The following CRISPLD2 variants were observed in gnomAD, a reference collection of about 807,000 sequenced individuals.
The protein encoded by CRISPLD2 is cysteine-rich secretory protein LCCL domain-containing 2.
In CRISPLD2, 47 loss-of-function variants were observed where a neutral mutation model predicts 71.1. The observed-to-expected ratio is 0.66, with a 90% CI of 0.52 to 0.84. The LOEUF (loss-of-function observed/expected upper bound fraction) is 0.84, where lower values mean the gene tolerates loss of function less well. Among genes scored for constraint, CRISPLD2 ranks in the 40% least tolerant of loss-of-function variants. The probability of loss-of-function intolerance (pLI) is 0.00; values close to 1 mark genes in which losing one functional copy is unlikely to be tolerated. For synonymous variants in CRISPLD2, 317 were observed against 250.1 expected (o/e 1.27, Z -2.52); for missense variants, 830 against 651.1 (o/e 1.27, Z -2.99).
At chr16:84,864,513 C>T (rs1174819810) in intron 6 of CRISPLD2, among the ~76,000 whole-genome samples, 1 of 152,222 alleles carries the variant, frequency 6.6e-6, no homozygotes, top group Non-Finnish European at 1.5e-5. Flanking sequence ...ACGGGAAGAA[C>T]AGACACGCGC....
At chr16:84,863,057 A>C (rs186248690) in intron 6 of CRISPLD2, 4 of 152,246 alleles carry the variant, frequency 2.6e-5, no homozygotes, top group African/African-American at 9.7e-5. Context: ...CTTCACAGCC[A>C]GACAGTGCAC....
chr16:84,906,488 G>A (rs2071803421), intron 14 of CRISPLD2, 100 bp from the exon 15 acceptor site: 1 of 1,234,386 alleles, frequency 8.1e-7, no homozygotes, highest in Non-Finnish European at 1.2e-6. Flanking sequence ...TCCACTACGG[G>A]AGCAAGCAGG....
intron 13 of CRISPLD2, among the ~76,000 whole-genome samples, chr16:84,886,176 C>T (rs2071611440): frequency 6.6e-6 from 1 of 152,096 alleles, no homozygotes; most frequent in Non-Finnish European, 1.5e-5. Flanking sequence ...AGGTGTAAGC[C>T]ACCGCGCCGG....
intron 6 of CRISPLD2, among the ~76,000 whole-genome samples, chr16:84,860,653 A>G (rs2101751): frequency 6.6e-6 from 1 of 152,184 alleles, no homozygotes; most frequent in Admixed American, 6.5e-5. Context: ...TCTTCTGGCA[A>G]AAAAGGTTTA....
chr16:84,903,797 C>T (rs971314472), intron 14 of CRISPLD2, among the ~76,000 whole-genome samples: 1 of 152,234 alleles, frequency 6.6e-6, no homozygotes, highest in South Asian at 2.1e-4. Flanking sequence ...AGAAATACAC[C>T]ACAGAGTCAT....
Position 84,889,363 on chromosome 16 carries a change from G to A in CRISPLD2, c.1439G>A (p.Ser480Asn). The change falls in exon 14 of 15, where the codon AGC (serine) becomes AAC (asparagine). Residue 480 changes from serine (S) to asparagine (N), a missense_variant and splice_region_variant. Transcript: ENST00000262424. ...GSLRNGVQSE[S>N]LGTPRDGKAF... ...CTCAGGAATGGAGTTCAGTCTGAAAGGTAGGGTGGTGTTCTCCAACCCTTG... is the reference window on the plus strand; with the variant it reads ...CTCAGGAATGGAGTTCAGTCTGAAAAGTAGGGTGGTGTTCTCCAACCCTTG... 6.2e-7 allele frequency: 1 copy of A among 1,609,518 alleles called. No individual in the cohort carries two copies. Among genetic ancestry groups the A allele is most frequent in the Non-Finnish European group, 8.5e-7 (1 of 1,176,944 alleles).
chr16:84,900,323 C>T (rs938054020), intron 14 of CRISPLD2, among the ~76,000 whole-genome samples: 5 of 152,070 alleles, frequency 3.3e-5, no homozygotes, highest in Non-Finnish European at 4.4e-5. Context: ...CTGAGAGGGC[C>T]GGGGTCTCCT....
chr16:84,903,126 G>A (rs755129271), intron 14 of CRISPLD2, among the ~76,000 whole-genome samples: 7 of 152,040 alleles, frequency 4.6e-5, no homozygotes, highest in Admixed American at 2.0e-4. Flanking sequence ...GGGTGACTCC[G>A]ATCTGATTTG....
intron 2 of CRISPLD2, among the ~76,000 whole-genome samples, chr16:84,840,898 C>G (rs973548764): frequency 6.6e-6 from 1 of 152,158 alleles, no homozygotes; most frequent in Non-Finnish European, 1.5e-5. Flanking sequence ...CTTCCACATA[C>G]CTGATATTTA....
chr16:84,890,771 G>T (rs771586350), intron 14 of CRISPLD2, among the ~76,000 whole-genome samples: 14 of 151,952 alleles, frequency 9.2e-5, no homozygotes, highest in Non-Finnish European at 1.9e-4. Flanking sequence ...CTCCAGCCTG[G>T]GCAACAAGAG....
In CRISPLD2 at chr16:84,859,608, C is replaced by T. The variant is rs573904614; in HGVS notation, c.709+4779C>T. Reference sequence around the variant, plus strand: ...GGAAATTGATGGAGGGACCGTGATTCTCTGTTTTTATAATTCAAATTAGTC... The same window carrying T: ...GGAAATTGATGGAGGGACCGTGATTTTCTGTTTTTATAATTCAAATTAGTC... On this transcript the variant is annotated intron_variant, in intron 6 of 14. Transcript: ENST00000262424. 3.4e-4 allele frequency among the ~76,000 whole-genome samples: 52 copies of T among 152,300 alleles called. 1 individual carries two copies. The South Asian group carries it at 0.011, about 31-fold the overall frequency.
At chr16:84,888,996 T>C (rs146580045) in intron 13 of CRISPLD2, among the ~76,000 whole-genome samples, 2,476 of 152,370 alleles carry the variant, frequency 0.016, 24 homozygotes, top group South Asian at 0.039. Flanking sequence ...ATTCCGTGCC[T>C]GGCATATAAT....
At chr16:84,881,803 G>T (rs1277264878) in intron 13 of CRISPLD2, among the ~76,000 whole-genome samples, 1 of 151,940 alleles carries the variant, frequency 6.6e-6, no homozygotes, top group East Asian at 1.9e-4. Flanking sequence ...TCAGCTGCTT[G>T]TCATCATCCC....
At chr16:84,850,523 G>A in intron 4 of CRISPLD2, 45 bp from the exon 5 acceptor site, 1 of 1,535,690 alleles carries the variant, frequency 6.5e-7, no homozygotes, top group Non-Finnish European at 9.0e-7. Flanking sequence ...TCACCCTTTT[G>A]TGCCTTATCC....
At chr16:84,903,718 G>A (rs1228086069) in intron 14 of CRISPLD2, among the ~76,000 whole-genome samples, 3 of 152,136 alleles carry the variant, frequency 2.0e-5, no homozygotes, top group African/African-American at 7.2e-5. Context: ...TTTGCAGAAT[G>A]CCAAAGCAGG....
At chr16:84,822,926 G>T (rs9939197) in intron 1 of CRISPLD2, among the ~76,000 whole-genome samples, 1 of 151,836 alleles carries the variant, frequency 6.6e-6, no homozygotes, top group Non-Finnish European at 1.5e-5. Flanking sequence ...ATTCAGTGGC[G>T]TTTAGTACAT....
chr16:84,847,785 G>C (rs1051499954), intron 3 of CRISPLD2, among the ~76,000 whole-genome samples: 6 of 152,298 alleles, frequency 3.9e-5, no homozygotes, highest in South Asian at 4.1e-4. Flanking sequence ...CGCCGACGTA[G>C]TTTTACAGCA....
Position 84,838,613 on chromosome 16 carries a change from CACA to C in CRISPLD2, c.121_123del (p.Asn41del), listed in dbSNP as rs1459350337. The C allele has an allele frequency of 3.1e-6, 5 of 1,614,254 alleles. No homozygotes were observed. The highest frequency in any genetic ancestry group is 1.3e-5 in the African/African-American group (1 of 75,066). On this transcript the variant is annotated inframe_deletion, in exon 2 of 15. Transcript: ENST00000262424. ...AGAGGAGCTGCTCAGCAAATACCAG[CACA>C]ACGAGTCTCACTCCCGGGTCCGCAG...
rs952586335 is a variant in CRISPLD2, at chr16:84,909,393, A to C, written c.*2751A>C. ...AATGTTTTTTGTGCTTTGCATGAACAGGGGCCACGTTGTTGCAATTGTTTC... is the reference window on the plus strand; with the variant it reads ...AATGTTTTTTGTGCTTTGCATGAACCGGGGCCACGTTGTTGCAATTGTTTC... On this transcript the variant is annotated 3_prime_UTR_variant, in exon 15 of 15. Transcript: ENST00000262424. 6.5e-6 allele frequency: 1 copy of C among 152,696 alleles called. No homozygotes were observed. Among genetic ancestry groups the C allele is most frequent in the Non-Finnish European group, 1.5e-5 (1 of 68,044 alleles). 9.5% of individuals were successfully genotyped at this position (152,696 alleles called of 1,614,324 possible). A position where few individuals can be genotyped will look rare whatever the true frequency, so the allele number is the denominator to read the frequency against.
Sources: allele counts gnomAD v4.1 joint callset (sites outside exome capture counted in the v4.1 genomes callset), GRCh38; gene constraint gnomAD v4.1.1; transcripts MANE v1.5; gene names NCBI Gene and HGNC (gene_info 2026-07-23, HGNC 2026-07-21).